SH3BP5: variants seen among roughly 807,000 people sequenced by gnomAD.
SH3BP5 encodes SH3 domain binding protein 5.
A neutral mutation model predicts 43.3 loss-of-function variants in SH3BP5; 22 were observed. The ratio of observed to expected loss-of-function variants is 0.51; its 90% confidence interval spans 0.36 to 0.73. The LOEUF (loss-of-function observed/expected upper bound fraction) is 0.73. SH3BP5 is among the 30% of genes least tolerant of loss of function. The pLI, the probability that SH3BP5 is intolerant of heterozygous loss-of-function variation, is 0.00. For synonymous variants in SH3BP5, 255 were observed against 225.8 expected, an observed-to-expected ratio of 1.13 and a Z score of -1.16; for missense variants, 529 against 586.9, an observed-to-expected ratio of 0.90 and a Z score of 1.02.
At chr3:15,292,847 TAAAAAGA>T (rs1042976036) in intron 3 of SH3BP5, among the ~76,000 whole-genome samples, 7 of 151,916 alleles carry the variant, frequency 4.6e-5, no homozygotes, top group Admixed American at 3.9e-4. Flanking sequence ...AAATTCCATC[TAAAAAGA>T]AAAAAGAAAA....
chr3:15,298,135 C>A (rs1055425128), intron 3 of SH3BP5, among the ~76,000 whole-genome samples: 2 of 152,080 alleles, frequency 1.3e-5, no homozygotes, highest in African/African-American at 4.8e-5. Flanking sequence ...CACCATCATG[C>A]CTGGCTACTT....
At position 15,265,542 on chromosome 3, in the gene SH3BP5, A is replaced by ACACACACACACACAC. The variant is rs1559428206; in HGVS notation, c.496-3268_496-3254dup. Among the ~76,000 whole-genome samples the ACACACACACACACAC allele has an allele frequency of 4.2e-5, 6 of 141,356 alleles. 1 individual carries two copies. Among genetic ancestry groups the ACACACACACACACAC allele is most frequent in the African/African-American group, 1.5e-4 (6 of 39,952 alleles). The allele number at this position is 141,356 out of a possible 152,430, so 92.7% of individuals were successfully genotyped here. ...CACACACACACACACACACACACAC[A>ACACACACACACACAC]CACACACACACACACACAACCCTCC... On this transcript the variant is annotated intron_variant, in intron 4 of 8. Transcript: ENST00000383791.
At chr3:15,321,829 T>G (rs1350343693) in intron 2 of SH3BP5, among the ~76,000 whole-genome samples, 1 of 145,972 alleles carries the variant, frequency 6.9e-6, no homozygotes, top group Non-Finnish European at 1.5e-5. Flanking sequence ...AAAAAAAAAA[T>G]CTAAAGTCTT....
At chr3:15,282,685 A>G (rs1416651290) in intron 3 of SH3BP5, among the ~76,000 whole-genome samples, 1 of 151,402 alleles carries the variant, frequency 6.6e-6, no homozygotes, top group Non-Finnish European at 1.5e-5. Flanking sequence ...GATGATATTT[A>G]AAAACTAATT....
intron 2 of SH3BP5, among the ~76,000 whole-genome samples, chr3:15,327,473 A>G (rs1698493875): frequency 6.6e-6 from 1 of 151,996 alleles, no homozygotes; most frequent in African/African-American, 2.4e-5. Context: ...ATCCTTGGGC[A>G]TACTCCCCTT....
At chr3:15,307,432 C>G (rs190024806) in intron 2 of SH3BP5, among the ~76,000 whole-genome samples, 1 of 152,334 alleles carries the variant, frequency 6.6e-6, no homozygotes, top group African/African-American at 2.4e-5. Flanking sequence ...AGATTCACTG[C>G]TGACTAAAGC....
rs1369122398 is a variant in SH3BP5 at position 15,254,852 on chromosome 3, CT to C, written c.*1233del. 1 of 152,080 alleles carries C rather than the reference CT, an allele frequency of 6.6e-6. No homozygotes were observed. The highest frequency in any genetic ancestry group is 2.4e-5 in the African/African-American group (1 of 41,372). 9.4% of individuals were successfully genotyped at this position (152,080 alleles called of 1,614,324 possible). ...TATTTGAAGTCACAGAAAGGAGAAACTTTTCTCAAGCCGTTTTTATTACACT... is the reference window on the plus strand; with the variant it reads ...TATTTGAAGTCACAGAAAGGAGAAACTTTCTCAAGCCGTTTTTATTACACT... On this transcript the variant is annotated 3_prime_UTR_variant, in exon 9 of 9. Transcript: ENST00000383791.
At chr3:15,289,218 C>G (rs1697343456) in intron 3 of SH3BP5, among the ~76,000 whole-genome samples, 1 of 152,220 alleles carries the variant, frequency 6.6e-6, no homozygotes, top group Non-Finnish European at 1.5e-5. Context: ...CTTAAAACAA[C>G]CTTGCCTGGC....
intron 3 of SH3BP5, among the ~76,000 whole-genome samples, chr3:15,288,716 G>A (rs970290826): frequency 3.3e-5 from 5 of 152,106 alleles, no homozygotes; most frequent in African/African-American, 9.7e-5. Flanking sequence ...CTCCAGCCTG[G>A]GTGACAGAAT....
intron 3 of SH3BP5, among the ~76,000 whole-genome samples, chr3:15,281,218 G>T (rs1432296047): frequency 9.2e-5 from 14 of 152,020 alleles, no homozygotes; most frequent in Non-Finnish European, 1.5e-5. Context: ...TAGAAACAGG[G>T]TTTCACCATG....
At chr3:15,261,296 G>A (rs1696427969) in intron 5 of SH3BP5, among the ~76,000 whole-genome samples, 3 of 152,246 alleles carry the variant, frequency 2.0e-5, no homozygotes, top group Non-Finnish European at 4.4e-5. Context: ...AGTGTGAGCA[G>A]AAACTAAAGA....
intron 2 of SH3BP5, among the ~76,000 whole-genome samples, chr3:15,329,129 G>A (rs940967091): frequency 2.0e-5 from 3 of 150,038 alleles, no homozygotes; most frequent in Admixed American, 1.3e-4. Context: ...CAGCCTGGGC[G>A]ACAGAGTAAG....
intron 2 of SH3BP5, among the ~76,000 whole-genome samples, chr3:15,323,894 C>T (rs1317737143): frequency 6.6e-6 from 1 of 152,184 alleles, no homozygotes; most frequent in South Asian, 2.1e-4. Flanking sequence ...AGCTAAGTCA[C>T]TCTACAAGTT....
chr3:15,333,643 G>A (rs1393892959), upstream of SH3BP5, among the ~76,000 whole-genome samples: 1 of 152,120 alleles, frequency 6.6e-6, no homozygotes, highest in African/African-American at 2.4e-5. Context: ...CTTCTCAAAT[G>A]AATAAATAGT....
chr3:15,304,160 A>G lies in SH3BP5; in HGVS notation c.273T>C (p.Ile91=). ...TVKLDELVKK[I]GKAVEDSKPY... is the part of the protein sequence containing the mutation. ...GCTTGGAGTCTTCCACAGCTTTGCCAATTTTCTTCACCAGTTCATCCAGTT... is the reference window on the plus strand; with the variant it reads ...GCTTGGAGTCTTCCACAGCTTTGCCGATTTTCTTCACCAGTTCATCCAGTT... The change falls in exon 3 of 9, where the codon ATT becomes ATC. Residue 91 remains isoleucine, a synonymous_variant. Transcript: ENST00000383791. 1 of 1,614,136 alleles carries G rather than the reference A, an allele frequency of 6.2e-7. No individual in the cohort carries two copies.
At chr3:15,330,780 A>G in intron 1 of SH3BP5, 1 of 984,502 alleles carries the variant, frequency 1.0e-6, no homozygotes, top group Non-Finnish European at 1.2e-6. Flanking sequence ...GTCCCTTTTG[A>G]CAATGTCTTC....
At chr3:15,317,090 C>T (rs946992404) in intron 2 of SH3BP5, among the ~76,000 whole-genome samples, 19 of 152,226 alleles carry the variant, frequency 1.2e-4, no homozygotes, top group African/African-American at 4.6e-4. Flanking sequence ...GCAAGACCTA[C>T]GATTTTCTTC....
At chr3:15,308,617 G>C (rs79531501) in intron 2 of SH3BP5, among the ~76,000 whole-genome samples, 4,239 of 152,216 alleles carry the variant, frequency 0.028, 73 homozygotes, top group South Asian at 0.079. Context: ...GAGCAAGGAC[G>C]CCTCCTGGCC....
At chr3:15,319,857 C>T (rs62242103) in intron 2 of SH3BP5, among the ~76,000 whole-genome samples, 2,394 of 152,266 alleles carry the variant, frequency 0.016, 26 homozygotes, top group Non-Finnish European at 0.023. Flanking sequence ...GCATAAAACT[C>T]CTCAAGCAAG....
Sources: allele counts gnomAD v4.1 joint callset (sites outside exome capture counted in the v4.1 genomes callset), GRCh38; gene constraint gnomAD v4.1.1; transcripts MANE v1.5; gene names NCBI Gene and HGNC (gene_info 2026-07-23, HGNC 2026-07-21).